Variants in MGAM2 observed in about 807,000 individuals in gnomAD.
The protein encoded by MGAM2 is maltase-glucoamylase 2 (putative).
Under a neutral mutation model 96.1 loss-of-function variants are expected in MGAM2, and 98 were observed. That is an observed-to-expected ratio of 1.02 (90% CI 0.87 to 1.21). The LOEUF (loss-of-function observed/expected upper bound fraction) is 1.21. Ranked by LOEUF, MGAM2 falls within the 50% of genes most tolerant of loss-of-function variation. The pLI, the probability that MGAM2 is intolerant of heterozygous loss-of-function variation, is 0.00. For missense variants in MGAM2, 2,055 were observed against 1,182.4 expected (o/e 1.74, Z -10.82); for synonymous variants, 749 against 414.8 (o/e 1.81, Z -9.79).
At chr7:142,208,725 G>T in intron 46 of MGAM2, 103 bp downstream of exon 46, 2 of 623,372 alleles carry the variant, frequency 3.2e-6, no homozygotes, top group South Asian at 3.7e-5. Flanking sequence ...TTAATAGGAG[G>T]TTCTTCTTGC....
chr7:142,145,073 C>T (rs1479915365), intron 14 of MGAM2, 128 bp downstream of exon 14: 11 of 598,770 alleles, frequency 1.8e-5, no homozygotes, highest in Non-Finnish European at 3.3e-5. Context: ...CCTGAGCACT[C>T]CTCTGCCGAA....
chr7:142,171,648 A>C (rs1191195260), intron 28 of MGAM2, among the ~76,000 whole-genome samples: 1 of 96,746 alleles, frequency 1.0e-5, no homozygotes, highest in Non-Finnish European at 2.0e-5. Context: ...ATATATATAT[A>C]TATATATCCA....
intron 3 of MGAM2, among the ~76,000 whole-genome samples, chr7:142,127,860 A>G (rs1394569053): frequency 2.0e-5 from 3 of 152,294 alleles, no homozygotes; most frequent in South Asian, 2.1e-4. Context: ...TGTTAGCAGC[A>G]TGAGAACTGA....
In MGAM2 at chr7:142,172,645, C is replaced by G. The variant is rs1796231844; in HGVS notation, c.3449-7C>G. ...GATGTGCCTCATGTGTGTTGTTTTTCTTACAGATGTGACATTACAGCCCAC... is the reference window on the plus strand; with the variant it reads ...GATGTGCCTCATGTGTGTTGTTTTTGTTACAGATGTGACATTACAGCCCAC... On this transcript the variant is annotated splice_polypyrimidine_tract_variant and splice_region_variant and intron_variant, in intron 29 of 47. Transcript: ENST00000477922. 4 of 692,520 alleles carry G rather than the reference C, an allele frequency of 5.8e-6. No individual in the cohort carries two copies. The highest frequency in any genetic ancestry group is 1.8e-5 in the African/African-American group (1 of 56,764). 42.9% of individuals were successfully genotyped at this position (692,520 alleles called of 1,614,324 possible). A position where few individuals can be genotyped will look rare whatever the true frequency, so the allele number is the denominator to read the frequency against.
chr7:142,114,153 GGAAA>G (rs772126693), intron 1 of MGAM2, among the ~76,000 whole-genome samples: 7,826 of 87,186 alleles, frequency 0.09, 541 homozygotes, highest in Non-Finnish European at 0.11. Context: ...AAAGAAAGAA[GGAAA>G]GAAAGAAAGA....
At chr7:142,209,985 T>G (rs1198950265) in intron 46 of MGAM2, among the ~76,000 whole-genome samples, 2 of 152,192 alleles carry the variant, frequency 1.3e-5, no homozygotes, top group Non-Finnish European at 2.9e-5. Context: ...AGGCAGGTGA[T>G]TTCTGCATTT....
At chr7:142,153,930 T>A in intron 15 of MGAM2, 88 bp from the exon 16 acceptor site, 8 of 490,054 alleles carry the variant, frequency 1.6e-5, no homozygotes, top group Admixed American at 3.0e-5. Context: ...CTCAGTTTGG[T>A]TAGAAAGTCC....
At chr7:142,128,144 G>T (rs1464510112) in intron 3 of MGAM2, among the ~76,000 whole-genome samples, 2 of 152,172 alleles carry the variant, frequency 1.3e-5, no homozygotes, top group Admixed American at 6.6e-5. Flanking sequence ...CTACCCTAGA[G>T]ATCTGTGGAA....
chr7:142,212,732 T>C (rs1023379127), intron 46 of MGAM2, among the ~76,000 whole-genome samples: 2 of 152,140 alleles, frequency 1.3e-5, no homozygotes, highest in African/African-American at 4.8e-5. Context: ...CACACAATAA[T>C]AGTGGGAGAT....
chr7:142,155,242 C>G (rs530001687), intron 17 of MGAM2, among the ~76,000 whole-genome samples: 57 of 152,292 alleles, frequency 3.7e-4, no homozygotes, highest in African/African-American at 1.3e-3. Flanking sequence ...GGCCAGTGAT[C>G]TCAACATTTC....
chr7:142,200,690 C>G (rs1797193756), intron 45 of MGAM2, among the ~76,000 whole-genome samples: 1 of 152,132 alleles, frequency 6.6e-6, no homozygotes, highest in Non-Finnish European at 1.5e-5. Context: ...GCTTATTTTT[C>G]ACTACTAATA....
In MGAM2 at chr7:142,143,761, T is replaced by C; in HGVS notation, c.1318-8T>C. 1.6e-6 allele frequency: 1 copy of C among 608,816 alleles called. No individual in the cohort carries two copies. Among genetic ancestry groups the C allele is most frequent in the Non-Finnish European group, 3.0e-6 (1 of 329,392 alleles). 37.7% of individuals were successfully genotyped at this position (608,816 alleles called of 1,614,324 possible). ...AGCTGATTGCCACTGCCTTCCTCTGTGTCCTAGGGATATCCGGGACCGACA... is the reference window on the plus strand; with the variant it reads ...AGCTGATTGCCACTGCCTTCCTCTGCGTCCTAGGGATATCCGGGACCGACA... On this transcript the variant is annotated splice_region_variant and splice_polypyrimidine_tract_variant and intron_variant, in intron 12 of 47. Coordinates refer to ENST00000477922, the MANE Select transcript of MGAM2 (RefSeq NM_001293626.2).
At chr7:142,135,435 CCT>C (rs751472662) in intron 7 of MGAM2, among the ~76,000 whole-genome samples, 3 of 151,978 alleles carry the variant, frequency 2.0e-5, no homozygotes, top group South Asian at 2.1e-4. Flanking sequence ...GCCTTTCTCC[CCT>C]GTTTTTTTCT....
In MGAM2 at chr7:142,196,614, G is replaced by T; in HGVS notation, c.4515+15G>T. 1 of 728,210 alleles carries T rather than the reference G, an allele frequency of 1.4e-6. No homozygotes were observed. Among genetic ancestry groups the T allele is most frequent in the East Asian group, 2.6e-5 (1 of 39,074 alleles). The allele number at this position is 728,210 out of a possible 1,614,324, so 45.1% of individuals were successfully genotyped here. On this transcript the variant is annotated intron_variant, in intron 39 of 47. Transcript: ENST00000477922. ...GAATACCTTATGTAAGTCACATTCA[G>T]ACCATTACTAATTGCCCAGTCAGAT...
In MGAM2 at chr7:142,132,952, A is replaced by G. The variant is rs1794944219; in HGVS notation, c.575+867A>G. Among the ~76,000 whole-genome samples the G allele has an allele frequency of 5.3e-5, 7 of 131,142 alleles. 1 individual carries two copies. In the South Asian group the frequency reaches 1.6e-3, roughly 30 times the overall value. The allele number at this position is 131,142 out of a possible 152,430, so 86.0% of individuals were successfully genotyped here. A position where few individuals can be genotyped will look rare whatever the true frequency, so the allele number is the denominator to read the frequency against. ...TACGTTAAATATATTTACATATTAT[A>G]TATGCATTTATATTAAAATATTTAA... On this transcript the variant is annotated intron_variant, in intron 6 of 47. Transcript: ENST00000477922.
At chr7:142,147,685 T>C in intron 15 of MGAM2, 112 bp downstream of exon 15, 1 of 566,092 alleles carries the variant, frequency 1.8e-6, no homozygotes, top group South Asian at 2.4e-5. Flanking sequence ...TTTGCATTTA[T>C]AGAAATAGAA....
At chr7:142,200,587 G>C (rs903274168) in intron 45 of MGAM2, among the ~76,000 whole-genome samples, 1 of 152,150 alleles carries the variant, frequency 6.6e-6, no homozygotes, top group African/African-American at 2.4e-5. Context: ...TGGACACACT[G>C]TTACTAGCTG....
intron 14 of MGAM2, among the ~76,000 whole-genome samples, chr7:142,147,189 G>A (rs1309877396): frequency 6.6e-6 from 1 of 152,172 alleles, no homozygotes; most frequent in Admixed American, 6.5e-5. Context: ...TTTGCTCTGA[G>A]CATGTTTCTC....
chr7:142,205,428 G>A (rs893484131), intron 45 of MGAM2, among the ~76,000 whole-genome samples: 2 of 152,150 alleles, frequency 1.3e-5, no homozygotes, highest in Admixed American at 1.3e-4. Context: ...ATCTCAATCA[G>A]CAGTGTATGA....
Sources: allele counts gnomAD v4.1 joint callset (sites outside exome capture counted in the v4.1 genomes callset), GRCh38; gene constraint gnomAD v4.1.1; transcripts MANE v1.5; gene names NCBI Gene and HGNC (gene_info 2026-07-23, HGNC 2026-07-21).